The following CHD3 variants were observed in gnomAD, a reference collection of about 807,000 sequenced individuals.
CHD3 encodes the protein chromodomain helicase DNA binding protein 3.
Under a neutral mutation model 248.9 loss-of-function variants are expected in CHD3, and 52 were observed. The observed-to-expected ratio is 0.21, with a 90% confidence interval of 0.17 to 0.26. CHD3 has a LOEUF of 0.26. CHD3 is among the 10% of genes least tolerant of loss of function. The probability of loss-of-function intolerance (pLI) is 1.00; values close to 1 mark genes in which losing one functional copy is unlikely to be tolerated. For missense variants in CHD3, 1,482 were observed against 2,605.8 expected (o/e 0.57, Z 9.39); for synonymous variants, 985 against 985.2 (o/e 1.00, Z 0.00).
upstream of CHD3, chr17:7,885,011 G>A (rs914983667): frequency 5.5e-5 from 68 of 1,234,576 alleles, no homozygotes; most frequent in Admixed American, 3.3e-4. Flanking sequence ...CAGCCCCCCC[G>A]GCTGCCACCT....
rs1970670359 is a variant in CHD3, at chr17:7,904,376, TC to T, written c.3895-64del. The T allele has an allele frequency of 1.3e-6, 2 of 1,481,988 alleles. No individual in the cohort carries two copies. Among genetic ancestry groups the T allele is most frequent in the South Asian group, 2.4e-5 (2 of 82,558 alleles). The allele number at this position is 1,481,988 out of a possible 1,614,324, so 91.8% of individuals were successfully genotyped here. A position where few individuals can be genotyped will look rare whatever the true frequency, so the allele number is the denominator to read the frequency against. ...GGGCTGACGCAGCAGAGTAGGGATT[TC>T]CTTGCAGTGGAAGGATTAGCAAAGA... is the stretch of plus-strand genomic sequence containing the variant. On this transcript the variant is annotated intron_variant, in intron 24 of 39. Coordinates refer to ENST00000330494, the MANE Select transcript of CHD3 (RefSeq NM_001005273.3). This position sits in a 1 kb window ranked among gnomAD's most constrained non-coding sequence, Gnocchi z 4.4.
At chr17:7,891,282 C>G (rs897257531) in intron 4 of CHD3, among the ~76,000 whole-genome samples, 1 of 152,148 alleles carries the variant, frequency 6.6e-6, no homozygotes, top group African/African-American at 2.4e-5. Context: ...GGTGGAGGGG[C>G]CATCATGATT....
rs1403479740 is a variant in CHD3, at chr17:7,908,755, G to A, written c.5320G>A (p.Glu1774Lys). 1.2e-6 allele frequency: 2 copies of A among 1,614,072 alleles called. No homozygotes were observed. The highest frequency in any genetic ancestry group is 2.2e-5 in the East Asian group (1 of 44,888). Residue 1774 changes from glutamate to lysine, a missense_variant, in exon 36 of 40, where the codon GAG (glutamate) becomes AAG (lysine). By Grantham distance (56) the Glu-to-Lys change is moderately conservative. Transcript: ENST00000330494. This position sits in a 1 kb window ranked among gnomAD's most constrained non-coding sequence, Gnocchi z 5.8. Reference protein sequence around the residue: ...QNDAQFAIINEPFKTEANKGN... With the variant: ...QNDAQFAIINKPFKTEANKGN... ...TGATGCTCAATTTGCCATTATCAAC[G>A]AGCCATTTAAAACTGAAGCCAATAA...
Position 7,911,052 on chromosome 17 carries a change from C to T in CHD3, c.5881+79C>T. On this transcript the variant is annotated intron_variant, in intron 39 of 39. Coordinates refer to ENST00000330494, the MANE Select transcript of CHD3 (RefSeq NM_001005273.3). This position sits in a 1 kb window ranked among gnomAD's most constrained non-coding sequence, Gnocchi z 5.4. ...TTATTTCTGCTCAGCTGCCCTTTAACTGCTCTAGTCCATCTCATTTCCTTG... is the reference window on the plus strand; with the variant it reads ...TTATTTCTGCTCAGCTGCCCTTTAATTGCTCTAGTCCATCTCATTTCCTTG... The T allele has an allele frequency of 2.5e-6, 4 of 1,569,868 alleles. No individual in the cohort carries two copies. Among genetic ancestry groups the T allele is most frequent in the Non-Finnish European group, 2.6e-6 (3 of 1,148,870 alleles).
In CHD3 at chr17:7,908,172, TTTC is replaced by T. The variant is rs1351657668; in HGVS notation, c.5152+156_5152+158del. Among the ~76,000 whole-genome samples the T allele has an allele frequency of 6.6e-6, 1 of 152,198 alleles. No homozygotes were observed. The highest frequency in any genetic ancestry group is 2.4e-5 in the African/African-American group (1 of 41,422). Reference sequence around the variant, plus strand: ...CTGACTCCGATCCTTGCTCTAAATCTTTCTTAAGTATCCCTCTTAACTCCAAAG... The same window carrying T: ...CTGACTCCGATCCTTGCTCTAAATCTTTAAGTATCCCTCTTAACTCCAAAG... On this transcript the variant is annotated intron_variant, in intron 34 of 39. Coordinates refer to ENST00000330494, the MANE Select transcript of CHD3 (RefSeq NM_001005273.3). The surrounding 1 kb of genome is among the most constrained non-coding windows in gnomAD (Gnocchi z 5.8).
In CHD3 at chr17:7,894,279, A is replaced by G; in HGVS notation, c.1075+14A>G. 7.4e-6 allele frequency: 12 copies of G among 1,612,422 alleles called. No homozygotes were observed. Among genetic ancestry groups the G allele is most frequent in the Non-Finnish European group, 1.0e-5 (12 of 1,179,052 alleles). Reference sequence around the variant, plus strand: ...AGAAGAAGAAGGGTAAGGAGTGTTGACTGTGTGTGATCCTGTCAGTGGGCC... The same window carrying G: ...AGAAGAAGAAGGGTAAGGAGTGTTGGCTGTGTGTGATCCTGTCAGTGGGCC... On this transcript the variant is annotated intron_variant, in intron 7 of 39. Transcript: ENST00000330494.
chr17:7,892,426 A>G (rs1214036640), intron 4 of CHD3, among the ~76,000 whole-genome samples: 1 of 152,176 alleles, frequency 6.6e-6, no homozygotes, highest in Non-Finnish European at 1.5e-5. Context: ...ATACAAAAGT[A>G]AAGCATTTTT....
At chr17:7,898,941 G>C in intron 13 of CHD3, 70 bp from the exon 14 acceptor site, 1 of 1,351,880 alleles carries the variant, frequency 7.4e-7, no homozygotes, top group South Asian at 1.2e-5. Context: ...TCCATGCCAG[G>C]GAGGAAGAGA....
At position 7,907,757 on chromosome 17, in the gene CHD3, G is replaced by T; in HGVS notation, c.5026+55G>T. ...GTCCCAGAGGGCATCAGGGGAGGTG[G>T]AGTCTGGGGAACCGAATGCTTGGGT... On this transcript the variant is annotated intron_variant, in intron 33 of 39. Coordinates refer to ENST00000330494, the MANE Select transcript of CHD3 (RefSeq NM_001005273.3). The surrounding 1 kb of genome is among the most constrained non-coding windows in gnomAD (Gnocchi z 4.3). 6.6e-7 allele frequency: 1 copy of T among 1,506,712 alleles called. No homozygotes were observed. Among genetic ancestry groups the T allele is most frequent in the Non-Finnish European group, 8.9e-7 (1 of 1,128,000 alleles). 93.3% of individuals were successfully genotyped at this position (1,506,712 alleles called of 1,614,324 possible).
chr17:7,896,699 C>T (rs1361154580), intron 10 of CHD3, among the ~76,000 whole-genome samples: 1 of 151,990 alleles, frequency 6.6e-6, no homozygotes, highest in Non-Finnish European at 1.5e-5. Context: ...TCTCTTATTG[C>T]CCCGGCTGGA....
Position 7,910,322 on chromosome 17 carries a change from C to T in CHD3, c.5591-106C>T. On this transcript the variant is annotated intron_variant, in intron 37 of 39. Coordinates refer to ENST00000330494, the MANE Select transcript of CHD3 (RefSeq NM_001005273.3). The surrounding 1 kb of genome is among the most constrained non-coding windows in gnomAD (Gnocchi z 4.7). ...GACATCTGTGTTCTCCTCTCTCGCT[C>T]TTTTTCTGCCTGTATCTGTCCATCT... is the stretch of plus-strand genomic sequence containing the variant. The T allele has an allele frequency of 7.1e-7, 1 of 1,398,690 alleles. No individual in the cohort carries two copies. Among genetic ancestry groups the T allele is most frequent in the Non-Finnish European group, 1.0e-6 (1 of 986,938 alleles). 86.6% of individuals were successfully genotyped at this position (1,398,690 alleles called of 1,614,324 possible).
chr17:7,906,476 C>A lies in CHD3; in HGVS notation c.4359-77C>A. On this transcript the variant is annotated intron_variant, in intron 28 of 39. Transcript: ENST00000330494. The surrounding 1 kb of genome is among the most constrained non-coding windows in gnomAD (Gnocchi z 5.0). Reference sequence around the variant, plus strand: ...ATTTGGGGGTTTGGGGGTCCTCAGTCATCCTCGCGCCTCCCTCACTGCCCT... The same window carrying A: ...ATTTGGGGGTTTGGGGGTCCTCAGTAATCCTCGCGCCTCCCTCACTGCCCT... 1.3e-6 allele frequency: 2 copies of A among 1,513,584 alleles called. No individual in the cohort carries two copies. The highest frequency in any genetic ancestry group is 1.2e-5 in the South Asian group (1 of 85,414). 93.8% of individuals were successfully genotyped at this position (1,513,584 alleles called of 1,614,324 possible).
rs551155540 is a variant in CHD3, at chr17:7,894,558, G to C, written c.1219G>C (p.Asp407His). 9.3e-6 allele frequency: 15 copies of C among 1,614,082 alleles called. No homozygotes were observed. The highest frequency in any genetic ancestry group is 1.7e-5 in the Admixed American group (1 of 60,014). ...TCGTGCCTACCACCTCGTCTGCCTT[G>C]ATCCTGAGCTTGACCGGGCTCCAGA... The part of the protein sequence containing the change: ...CPRAYHLVCL[D>H]PELDRAPEGK... The change falls in exon 8 of 40, where the codon GAT becomes CAT. Residue 407 changes from aspartate (D) to histidine (H), a missense_variant. Physicochemically the swap from Asp to His is moderately conservative, Grantham distance 81. Coordinates refer to ENST00000330494, the MANE Select transcript of CHD3 (RefSeq NM_001005273.3).
At chr17:7,894,891 C>A (rs1196477739) in intron 8 of CHD3, 26 bp from the exon 9 acceptor site, 2 of 1,610,896 alleles carry the variant, frequency 1.2e-6, no homozygotes, top group Admixed American at 3.3e-5. Flanking sequence ...TTCCATCTGT[C>A]TGTGTGTCTA....
rs1969557677 is a variant in CHD3 at position 7,895,780 on chromosome 17, T to C, written c.1707+238T>C. ...TATAGCATAGCCTTTCCTAACTTCA[T>C]GTCCTTCCTTATCTGTCTTTTTCCA... On this transcript the variant is annotated intron_variant, in intron 10 of 39. Transcript: ENST00000330494. This position sits in a 1 kb window ranked among gnomAD's most constrained non-coding sequence, Gnocchi z 4.9. 6.6e-6 allele frequency among the ~76,000 whole-genome samples: 1 copy of C among 152,234 alleles called. No homozygotes were observed. The highest frequency in any genetic ancestry group is 2.4e-5 in the African/African-American group (1 of 41,452).
rs756430092 is a variant in CHD3 at position 7,891,078 on chromosome 17, G to A, written c.509+14G>A. 2 of 1,612,108 alleles carry A rather than the reference G, an allele frequency of 1.2e-6. No homozygotes were observed. Among genetic ancestry groups the A allele is most frequent in the African/African-American group, 1.3e-5 (1 of 74,874 alleles). Reference sequence around the variant, plus strand: ...CCAGTTCATGAGGTGCGGTAAGACTGGGGAATCCTCGCTAATTGACACTTT... The same window carrying A: ...CCAGTTCATGAGGTGCGGTAAGACTAGGGAATCCTCGCTAATTGACACTTT... On this transcript the variant is annotated intron_variant, in intron 4 of 39. Transcript: ENST00000330494.
intron 19 of CHD3, 80 bp from the exon 20 acceptor site, chr17:7,901,164 T>C: frequency 6.5e-7 from 1 of 1,530,858 alleles, no homozygotes; most frequent in Non-Finnish European, 8.8e-7. Context: ...GATCCGGGCA[T>C]CTGGCCTTCT....
upstream of CHD3, among the ~76,000 whole-genome samples, chr17:7,886,693 G>A (rs1968007187): frequency 6.6e-6 from 1 of 152,168 alleles, no homozygotes. This position sits in a 1 kb window ranked among gnomAD's most constrained non-coding sequence, Gnocchi z 4.2. Flanking sequence ...GAGGAGTTGT[G>A]GGGAGAGGGT....
In CHD3 at chr17:7,893,884, A is replaced by G. The variant is rs1194588892; in HGVS notation, c.873A>G (p.Pro291=). The change falls in exon 6 of 40, where the codon CCA becomes CCG. Residue 291 remains proline, a synonymous_variant. Transcript: ENST00000330494. ...AGCTTCGGGGAAAGAAAATGGCACC[A>G]CTCAAAATAAAACTAGGGCTTCTGG... ...RKKLRGKKMA[P]LKIKLGLLGG... 6.2e-7 allele frequency: 1 copy of G among 1,607,674 alleles called. No homozygotes were observed. The highest frequency in any genetic ancestry group is 2.3e-5 in the East Asian group (1 of 44,394).
Sources: allele counts gnomAD v4.1 joint callset (sites outside exome capture counted in the v4.1 genomes callset), GRCh38; gene constraint gnomAD v4.1.1; non-coding constraint Gnocchi (gnomAD v3.1); transcripts MANE v1.5; gene names NCBI Gene and HGNC (gene_info 2026-07-23, HGNC 2026-07-21).